The following RNF111 variants were observed in gnomAD, a reference collection of about 807,000 sequenced individuals.
RNF111 encodes the protein E3 ubiquitin-protein ligase Arkadia.
RNF111 carries 17 observed loss-of-function variants against 95.1 expected under a neutral mutation model. The ratio of observed to expected loss-of-function variants is 0.18; its 90% CI spans 0.12 to 0.27. RNF111 has a LOEUF of 0.27. RNF111 is among the 10% of genes least tolerant of loss of function. RNF111 has a pLI of 1.00. For missense variants in RNF111, 1,189 were observed against 1,210.4 expected (o/e 0.98, Z 0.26); for synonymous variants, 440 against 414.8 (o/e 1.06, Z -0.74).
At chr15:59,085,533 A>G (rs745603584) in intron 9 of RNF111, 126 bp from the exon 10 acceptor site, 11 of 804,772 alleles carry the variant, frequency 1.4e-5, no homozygotes, top group Non-Finnish European at 1.7e-5. Flanking sequence ...GGGCTAAATT[A>G]TCTTTCCTCA....
intron 2 of RNF111, among the ~76,000 whole-genome samples, chr15:59,034,490 T>C (rs2041073246): frequency 6.6e-6 from 1 of 152,246 alleles, no homozygotes; most frequent in Non-Finnish European, 1.5e-5. Context: ...TGTATTCTCA[T>C]TGAATCCTTC....
intron 1 of RNF111, among the ~76,000 whole-genome samples, chr15:59,017,095 A>T (rs1164105754): frequency 1.3e-5 from 2 of 152,126 alleles, no homozygotes; most frequent in Non-Finnish European, 2.9e-5. Flanking sequence ...CAATGATAAT[A>T]GAAACAAAGT....
chr15:58,988,989 CTT>C (rs1354606485), intron 1 of RNF111, among the ~76,000 whole-genome samples: 1 of 152,120 alleles, frequency 6.6e-6, no homozygotes, highest in Non-Finnish European at 1.5e-5. Context: ...TTAGGGGCCT[CTT>C]GAACTAAAAA....
chr15:59,062,576 G>A (rs1363865320), intron 5 of RNF111, among the ~76,000 whole-genome samples: 1 of 152,168 alleles, frequency 6.6e-6, no homozygotes, highest in Non-Finnish European at 1.5e-5. Flanking sequence ...ATAAATTTTT[G>A]TTCTAACAGA....
chr15:59,049,605 CATTA>C (rs760335178), intron 2 of RNF111: 2 of 154,950 alleles, frequency 1.3e-5, no homozygotes, highest in Non-Finnish European at 2.9e-5. Context: ...TCATTATATA[CATTA>C]ATTCTTTTGG....
chr15:59,023,554 T>C (rs1305538498), intron 1 of RNF111, among the ~76,000 whole-genome samples: 1 of 152,218 alleles, frequency 6.6e-6, no homozygotes, highest in African/African-American at 2.4e-5. Flanking sequence ...TTGGTAAATA[T>C]ATAAGTAACT....
rs553620759 is a variant in RNF111 at position 59,066,777 on chromosome 15, A to T, written c.1380A>T (p.Arg460Ser). ...TGTSIGDDSR[R>S]TTSSAVTETG... is the part of the protein sequence containing the mutation. ...TTCTGTTTCAAGATGACTCAAGGAG[A>T]ACTACATCTAGTGCTGTAACGGAAA... is the stretch of plus-strand genomic sequence containing the variant. Residue 460 changes from arginine (R) to serine (S), a missense_variant, in exon 6 of 14, where the codon AGA (arginine) becomes AGT (serine). This residue lies in a region of RNF111 where 1,024 missense variants were observed against 925.9 expected (regional missense o/e 1.11). Coordinates refer to ENST00000348370, the MANE Select transcript of RNF111 (RefSeq NM_017610.8). 3 of 1,613,360 alleles carry T rather than the reference A, an allele frequency of 1.9e-6. No homozygotes were observed. In the African/African-American group the frequency reaches 4.0e-5, roughly 22 times the overall value.
intron 2 of RNF111, among the ~76,000 whole-genome samples, chr15:59,042,555 T>C (rs2041517769): frequency 6.6e-6 from 1 of 152,350 alleles, no homozygotes; most frequent in South Asian, 2.1e-4. Flanking sequence ...CCAGTCCTTG[T>C]ACTTAATTCA....
chr15:59,034,253 G>C (rs1283537098), intron 2 of RNF111, among the ~76,000 whole-genome samples: 1 of 152,092 alleles, frequency 6.6e-6, no homozygotes, highest in African/African-American at 2.4e-5. Context: ...TTGCTGCATT[G>C]AGCAACATTG....
At chr15:59,027,211 C>T (rs1287559992) in intron 1 of RNF111, among the ~76,000 whole-genome samples, 1 of 152,094 alleles carries the variant, frequency 6.6e-6, no homozygotes, top group African/African-American at 2.4e-5. Context: ...AAATCTTCAG[C>T]CCATAAAGAC....
chr15:59,034,821 G>C lies in RNF111; in HGVS notation c.880+3119G>C, dbSNP rs562603569. Among the ~76,000 whole-genome samples the C allele has an allele frequency of 3.3e-5, 5 of 152,252 alleles. No individual in the cohort carries two copies. The East Asian group carries it at 9.7e-4, about 29-fold the overall frequency. ...GTTGGAAAGTCTAAACTTTTAATTT[G>C]ACTTATTTACTACATGTTAATATGA... is the stretch of plus-strand genomic sequence containing the variant. On this transcript the variant is annotated intron_variant, in intron 2 of 13. Transcript: ENST00000348370.
chr15:58,999,579 G>A (rs1041325732), intron 1 of RNF111, among the ~76,000 whole-genome samples: 3 of 152,020 alleles, frequency 2.0e-5, no homozygotes, highest in Non-Finnish European at 2.9e-5. Context: ...CAGGTGATCC[G>A]CCCACCTCAG....
intron 8 of RNF111, among the ~76,000 whole-genome samples, chr15:59,083,311 G>A (rs1162340858): frequency 6.6e-6 from 1 of 152,100 alleles, no homozygotes. Flanking sequence ...ACTTTGGGAG[G>A]CCAAGGTGGG....
intron 2 of RNF111, among the ~76,000 whole-genome samples, chr15:59,050,798 CT>C (rs1412387259): frequency 2.6e-5 from 4 of 152,136 alleles, no homozygotes; most frequent in Middle Eastern, 6.3e-3. Flanking sequence ...GTGTTATACC[CT>C]TTTAGCAAAG....
rs1196790862 is a variant in RNF111, at chr15:58,990,814, ATTTG to A, written c.-20+2750_-20+2753del. Among the ~76,000 whole-genome samples the A allele has an allele frequency of 6.6e-5, 10 of 152,182 alleles. No homozygotes were observed. In the East Asian group the frequency reaches 1.2e-3, roughly 18 times the overall value. ...AACATTTTAAAAATCATCTGGAATA[ATTTG>A]TTTTTCTTTCAGAAACCTGTAATTA... is the stretch of plus-strand genomic sequence containing the variant. On this transcript the variant is annotated intron_variant, in intron 1 of 13. Coordinates refer to ENST00000348370, the MANE Select transcript of RNF111 (RefSeq NM_017610.8).
chr15:59,005,632 T>C (rs1371247162), intron 1 of RNF111, among the ~76,000 whole-genome samples: 6 of 152,138 alleles, frequency 3.9e-5, no homozygotes, highest in African/African-American at 1.4e-4. Context: ...TAAGTTAGAC[T>C]AGTTTGAGGT....
intron 1 of RNF111, among the ~76,000 whole-genome samples, chr15:59,006,452 G>C (rs2039543932): frequency 2.0e-5 from 3 of 152,066 alleles, no homozygotes; most frequent in Admixed American, 2.0e-4. Flanking sequence ...GTAAGTAGTA[G>C]TATTATTACT....
At chr15:58,994,754 C>G (rs984095084) in intron 1 of RNF111, among the ~76,000 whole-genome samples, 2 of 151,910 alleles carry the variant, frequency 1.3e-5, no homozygotes, top group African/African-American at 2.4e-5. Flanking sequence ...CTGGGGTGAG[C>G]CTTTGCGCCT....
chr15:59,051,251 C>T (rs1178305366), intron 2 of RNF111, among the ~76,000 whole-genome samples: 3 of 150,696 alleles, frequency 2.0e-5, no homozygotes, highest in African/African-American at 7.3e-5. Flanking sequence ...CAGGAGATCG[C>T]GACCATCCTG....
Sources: gnomAD v4.1 joint callset for allele counts (sites outside exome capture counted in the v4.1 genomes callset) on GRCh38, gnomAD v4.1.1 for gene constraint, gnomAD v4.1.1 regional missense constraint, MANE v1.5 for transcripts, NCBI Gene and HGNC (gene_info 2026-07-23, HGNC 2026-07-21) for gene names.